The following STK33 variants were observed in gnomAD, a reference collection of about 807,000 sequenced individuals.
The protein encoded by STK33 is serine/threonine kinase 33.
Under a neutral mutation model 58.0 loss-of-function variants are expected in STK33, and 52 were observed. The ratio of observed to expected loss-of-function variants is 0.90; its 90% CI spans 0.72 to 1.13. STK33 has a LOEUF of 1.13. Ranked by LOEUF, STK33 falls within the 50% of genes most tolerant of loss-of-function variation. STK33 has a pLI of 0.00. For synonymous variants in STK33, 215 were observed against 200.1 expected (o/e 1.07, Z -0.63); for missense variants, 630 against 604.2 (o/e 1.04, Z -0.45).
the STK33 span, among the ~76,000 whole-genome samples, chr11:8,364,956 C>T: frequency 1.4e-5 from 2 of 143,456 alleles, no homozygotes; most frequent in Non-Finnish European, 3.1e-5. Context: ...CAAGCAAATC[C>T]CTATGCTCAC....
chr11:8,537,229 C>T (rs1344145230), intron 1 of STK33, among the ~76,000 whole-genome samples: 2 of 151,794 alleles, frequency 1.3e-5, no homozygotes, highest in African/African-American at 4.8e-5. Flanking sequence ...ATCCGCCGAC[C>T]TCAGCCTCCC....
intron 11 of STK33, among the ~76,000 whole-genome samples, chr11:8,445,102 T>A (rs1198745793): frequency 6.6e-6 from 1 of 152,232 alleles, no homozygotes; most frequent in African/African-American, 2.4e-5. Flanking sequence ...GTCCTTCACA[T>A]CCCTGATAAG....
At chr11:8,589,864 A>G (rs4344491) in intron 1 of STK33, among the ~76,000 whole-genome samples, 93,681 of 152,058 alleles carry the variant, frequency 0.62, 29,164 homozygotes, top group African/African-American at 0.66. Context: ...AGATTGAGAG[A>G]AAAATTAATT....
chr11:8,565,991 T>C (rs1184903991), intron 1 of STK33: 3 of 152,212 alleles, frequency 2.0e-5, no homozygotes, highest in Non-Finnish European at 2.9e-5. Context: ...AGTCAGATTG[T>C]TTCAGTTAGT....
intron 1 of STK33, among the ~76,000 whole-genome samples, chr11:8,532,813 T>A (rs1378520095): frequency 2.6e-5 from 4 of 152,226 alleles, no homozygotes. Context: ...TTAAGATTAT[T>A]TTCAAAATCT....
chr11:8,544,139 T>C (rs966602466), intron 1 of STK33, among the ~76,000 whole-genome samples: 2 of 151,816 alleles, frequency 1.3e-5, no homozygotes, highest in African/African-American at 4.8e-5. Flanking sequence ...TAGGTATTTC[T>C]CCTAATGCTA....
intron 1 of STK33, among the ~76,000 whole-genome samples, chr11:8,572,823 C>G (rs1239097002): frequency 1.3e-5 from 2 of 151,798 alleles, no homozygotes; most frequent in African/African-American, 4.8e-5. Flanking sequence ...AGATCAGATA[C>G]TGCCGAAGAA....
chr11:8,562,015 G>T (rs1957146047), intron 1 of STK33, among the ~76,000 whole-genome samples: 1 of 152,058 alleles, frequency 6.6e-6, no homozygotes, highest in African/African-American at 2.4e-5. Context: ...CACATCCTAT[G>T]ACTGACCACC....
At chr11:8,394,576 A>G (rs7111218) in intron 15 of STK33, among the ~76,000 whole-genome samples, 30,020 of 152,062 alleles carry the variant, frequency 0.2, 3,403 homozygotes, top group African/African-American at 0.3. Flanking sequence ...TGTTAATGTA[A>G]TTGAGTCATT....
At chr11:8,446,014 T>C (rs985691003) in intron 11 of STK33, among the ~76,000 whole-genome samples, 1 of 151,962 alleles carries the variant, frequency 6.6e-6, no homozygotes. Flanking sequence ...GTCCTGGGCT[T>C]TTTTTGGTTG....
the STK33 span, among the ~76,000 whole-genome samples, chr11:8,348,206 C>T: frequency 2.0e-5 from 3 of 152,206 alleles, no homozygotes; most frequent in Admixed American, 1.3e-4. Flanking sequence ...GGAACTTCCC[C>T]TGTGTTGTAT....
the STK33 span, among the ~76,000 whole-genome samples, chr11:8,380,117 A>C: frequency 0.25 from 37,564 of 152,136 alleles, 4,810 homozygotes; most frequent in South Asian, 0.36. Context: ...TATGACAGAA[A>C]AATTTATATT....
At chr11:8,536,972 A>AATCTT (rs1565305538) in intron 1 of STK33, among the ~76,000 whole-genome samples, 3 of 65,734 alleles carry the variant, frequency 4.6e-5, no homozygotes, top group Non-Finnish European at 2.5e-5. Flanking sequence ...AAAAAAAAAG[A>AATCTT]TTTTTTTTTT....
intron 1 of STK33, among the ~76,000 whole-genome samples, chr11:8,525,871 C>A (rs1200160027): frequency 6.6e-6 from 1 of 152,028 alleles, no homozygotes; most frequent in Non-Finnish European, 1.5e-5. Flanking sequence ...GGCAACATAA[C>A]AGAAAACTGG....
At chr11:8,437,471 C>T (rs949784569) in intron 12 of STK33, among the ~76,000 whole-genome samples, 2 of 152,338 alleles carry the variant, frequency 1.3e-5, no homozygotes, top group East Asian at 3.9e-4. Context: ...TAATTAGATT[C>T]ATCACAGGGG....
chr11:8,495,803 A>G (rs1043417044), intron 1 of STK33, among the ~76,000 whole-genome samples: 2 of 152,186 alleles, frequency 1.3e-5, no homozygotes, highest in Non-Finnish European at 2.9e-5. Context: ...TTGCAGGCAC[A>G]TGGATGAAGC....
At chr11:8,592,458 AAAT>A (rs2032767867) in intron 1 of STK33, among the ~76,000 whole-genome samples, 1 of 152,220 alleles carries the variant, frequency 6.6e-6, no homozygotes, top group South Asian at 2.1e-4. Flanking sequence ...AAAGTTTTTA[AAAT>A]AATAATGCTA....
At chr11:8,367,165 A>G in the STK33 span, among the ~76,000 whole-genome samples, 2 of 152,220 alleles carry the variant, frequency 1.3e-5, no homozygotes, top group Admixed American at 6.5e-5. Context: ...GCGTGTGTGT[A>G]TAAGTTCTGC....
chr11:8,444,400 A>C (rs563189116), intron 11 of STK33, among the ~76,000 whole-genome samples: 2 of 152,250 alleles, frequency 1.3e-5, no homozygotes, highest in Admixed American at 1.3e-4. Context: ...ATCTTGTTTA[A>C]TGTTTGTGCC....
Sources: allele counts gnomAD v4.1 joint callset (sites outside exome capture counted in the v4.1 genomes callset), GRCh38; gene constraint gnomAD v4.1.1; transcripts MANE v1.5; gene names NCBI Gene and HGNC (gene_info 2026-07-23, HGNC 2026-07-21).